The following GABBR2 variants were observed in gnomAD, a reference collection of about 807,000 sequenced individuals.
The protein encoded by GABBR2 is G-protein coupled receptor 51.
Under a neutral mutation model 105.6 loss-of-function variants are expected in GABBR2, and 23 were observed. The observed-to-expected ratio is 0.22, with a 90% CI of 0.16 to 0.31. GABBR2 has a LOEUF of 0.31. GABBR2 is among the 10% of genes least tolerant of loss of function. The pLI is 1.00. For synonymous variants in GABBR2, 478 were observed against 499.7 expected, an observed-to-expected ratio of 0.96 and a Z score of 0.58; for missense variants, 734 against 1,245.5, an observed-to-expected ratio of 0.59 and a Z score of 6.18.
chr9:98,424,286 T>G (rs1465707712), intron 7 of GABBR2, among the ~76,000 whole-genome samples: 1 of 152,142 alleles, frequency 6.6e-6, no homozygotes, highest in African/African-American at 2.4e-5. Context: ...CAACAACGCT[T>G]CATGCTAAAA....
chr9:98,495,307 A>G (rs918407342), intron 4 of GABBR2, among the ~76,000 whole-genome samples: 1 of 152,174 alleles, frequency 6.6e-6, no homozygotes, highest in African/African-American at 2.4e-5. Context: ...CAACTGCTCT[A>G]AGCTGCTACC....
At chr9:98,647,595 C>T (rs943802692) in intron 1 of GABBR2, among the ~76,000 whole-genome samples, 6 of 152,196 alleles carry the variant, frequency 3.9e-5, no homozygotes, top group African/African-American at 1.4e-4. Flanking sequence ...AGCCTGGCAC[C>T]CGACGGGTTG....
At chr9:98,409,205 C>T (rs1564056152) in intron 7 of GABBR2, among the ~76,000 whole-genome samples, 1 of 152,174 alleles carries the variant, frequency 6.6e-6, no homozygotes. Context: ...ACATTGCCCC[C>T]AGAGACCATG....
At chr9:98,340,432 CT>C (rs201062238) in intron 13 of GABBR2, among the ~76,000 whole-genome samples, 1,569 of 147,306 alleles carry the variant, frequency 0.011, 19 homozygotes, top group African/African-American at 0.036. Context: ...CTCTCTCTCT[CT>C]TTTTTTTTTT....
chr9:98,708,564 G>A lies in GABBR2; in HGVS notation c.174C>T (p.Ile58=). 1 of 1,562,006 alleles carries A rather than the reference G, an allele frequency of 6.4e-7. No individual in the cohort carries two copies. Among genetic ancestry groups the A allele is most frequent in the African/African-American group, 1.4e-5 (1 of 72,704 alleles). The change falls in exon 1 of 19, where the codon ATC becomes ATT. Residue 58 remains isoleucine, a synonymous_variant. Transcript: ENST00000259455. ...RPPPSSPPLS[I]MGLMPLTKEV... ...CCTTGGTGAGCGGCATGAGGCCCATGATGGAGAGCGGCGGGCTGCTGGGCG... is the reference window on the plus strand; with the variant it reads ...CCTTGGTGAGCGGCATGAGGCCCATAATGGAGAGCGGCGGGCTGCTGGGCG...
intron 7 of GABBR2, among the ~76,000 whole-genome samples, chr9:98,450,822 A>G (rs921846478): frequency 1.3e-5 from 2 of 152,182 alleles, no homozygotes. Context: ...AGTCTATCTA[A>G]TTGCTCATCA....
Position 98,577,931 on chromosome 9 carries a change from T to C in GABBR2, c.459+4A>G, listed in dbSNP as rs780919502. 7 of 1,609,530 alleles carry C rather than the reference T, an allele frequency of 4.3e-6. No individual in the cohort carries two copies. Among genetic ancestry groups the C allele is most frequent in the Non-Finnish European group, 5.9e-6 (7 of 1,177,392 alleles). ...CCCACAAAAGAAGGTAGCTCAGACCTTACCTGCACCAGATTCCAGCCTTGG... is the reference window on the plus strand; with the variant it reads ...CCCACAAAAGAAGGTAGCTCAGACCCTACCTGCACCAGATTCCAGCCTTGG... On this transcript the variant is annotated splice_donor_region_variant and intron_variant, in intron 2 of 18. Transcript: ENST00000259455.
At chr9:98,632,353 AC>A (rs1588260817) in intron 1 of GABBR2, among the ~76,000 whole-genome samples, 1 of 152,204 alleles carries the variant, frequency 6.6e-6, no homozygotes, top group East Asian at 1.9e-4. Flanking sequence ...TCTGGCCCAA[AC>A]TAGGTGCTCA....
At position 98,290,673 on chromosome 9, in the gene GABBR2, T is replaced by C. The variant is rs1830289381; in HGVS notation, c.2737A>G (p.Ser913Gly). The C allele has an allele frequency of 2.7e-6, 4 of 1,479,022 alleles. No homozygotes were observed. The South Asian group carries it at 4.5e-5, about 17-fold the overall frequency. The allele number at this position is 1,479,022 out of a possible 1,614,324, so 91.6% of individuals were successfully genotyped here. Reference sequence around the variant, plus strand: ...GGGCTGACGCAGGGGCTGACACAGCTGGCGTCCACGCCTCCGATGGATGGG... The same window carrying C: ...GGGCTGACGCAGGGGCTGACACAGCCGGCGTCCACGCCTCCGATGGATGGG... Reference protein sequence around the residue: ...YLPSIGGVDASCVSPCVSPTA... With the variant: ...YLPSIGGVDAGCVSPCVSPTA... The change falls in exon 19 of 19, where the codon AGC becomes GGC. Residue 913 changes from serine to glycine, a missense_variant. Physicochemically the swap from Ser to Gly is moderately conservative, Grantham distance 56. Transcript: ENST00000259455.
At chr9:98,319,207 G>A (rs565829650) in intron 13 of GABBR2, among the ~76,000 whole-genome samples, 18 of 152,240 alleles carry the variant, frequency 1.2e-4, no homozygotes, top group African/African-American at 4.3e-4. Context: ...ATCAAAGGAG[G>A]TGCGGTGTGA....
rs1322601642 is a variant in GABBR2, at chr9:98,708,846, G to C, written c.-109C>G. 1.7e-6 allele frequency: 1 copy of C among 601,480 alleles called. No homozygotes were observed. Among genetic ancestry groups the C allele is most frequent in the Non-Finnish European group, 2.1e-6 (1 of 480,424 alleles). 37.3% of individuals were successfully genotyped at this position (601,480 alleles called of 1,614,324 possible). A position where few individuals can be genotyped will look rare whatever the true frequency, so the allele number is the denominator to read the frequency against. On this transcript the variant is annotated 5_prime_UTR_variant, in exon 1 of 19. Coordinates refer to ENST00000259455, the MANE Select transcript of GABBR2 (RefSeq NM_005458.8). ...GGCGCCCGCGCAATGGCGCCGGCCC[G>C]GGCCCCGGCTCCGTCTCGGGCTAGG...
At chr9:98,370,017 G>A (rs560414730) in intron 12 of GABBR2, among the ~76,000 whole-genome samples, 107 of 152,180 alleles carry the variant, frequency 7.0e-4, no homozygotes, top group African/African-American at 2.4e-3. Context: ...ACTGGTGTCC[G>A]ACTCCTGCTT....
chr9:98,413,719 G>C (rs1832631374), intron 7 of GABBR2, among the ~76,000 whole-genome samples: 1 of 152,178 alleles, frequency 6.6e-6, no homozygotes, highest in Non-Finnish European at 1.5e-5. Flanking sequence ...AGACGGCTCA[G>C]AGGGTGCAAG....
chr9:98,567,217 T>C (rs953864846), intron 2 of GABBR2, among the ~76,000 whole-genome samples: 2 of 152,184 alleles, frequency 1.3e-5, no homozygotes, highest in African/African-American at 4.8e-5. Flanking sequence ...GACTTACACA[T>C]TGGGAACTGA....
At chr9:98,518,826 G>C (rs1827811616) in intron 3 of GABBR2, among the ~76,000 whole-genome samples, 1 of 152,168 alleles carries the variant, frequency 6.6e-6, no homozygotes, top group South Asian at 2.1e-4. Context: ...GAAGCCCATG[G>C]AGCCAGCCCC....
intron 12 of GABBR2, among the ~76,000 whole-genome samples, chr9:98,371,181 C>G (rs139201824): frequency 6.6e-6 from 1 of 152,156 alleles, no homozygotes; most frequent in Non-Finnish European, 1.5e-5. Context: ...TCCCACTCAC[C>G]CTCCAGGCCC....
intron 1 of GABBR2, among the ~76,000 whole-genome samples, chr9:98,646,985 G>T (rs550499792): frequency 1.3e-5 from 2 of 152,190 alleles, no homozygotes; most frequent in African/African-American, 4.8e-5. Context: ...CTATCCAGGG[G>T]TCCCCCATGA....
intron 1 of GABBR2, among the ~76,000 whole-genome samples, chr9:98,696,701 G>C (rs144902913): frequency 1.2e-3 from 177 of 152,320 alleles, no homozygotes; most frequent in African/African-American, 4.0e-3. Flanking sequence ...TATTACCCTT[G>C]AGATGATCCG....
chr9:98,615,700 G>A (rs1294054444), intron 1 of GABBR2, among the ~76,000 whole-genome samples: 1 of 152,210 alleles, frequency 6.6e-6, no homozygotes, highest in African/African-American at 2.4e-5. Flanking sequence ...ACATGGTGCT[G>A]TACATAGCCC....
Sources: allele counts gnomAD v4.1 joint callset (sites outside exome capture counted in the v4.1 genomes callset), GRCh38; gene constraint gnomAD v4.1.1; transcripts MANE v1.5; gene names NCBI Gene and HGNC (gene_info 2026-07-23, HGNC 2026-07-21).